CNTN4: variants seen among roughly 807,000 people sequenced by gnomAD.
CNTN4 encodes the protein contactin-4.
CNTN4 carries 77 observed loss-of-function variants against 122.5 expected under a neutral mutation model. The ratio of observed to expected loss-of-function variants is 0.63; its 90% CI spans 0.52 to 0.76. CNTN4 has a LOEUF of 0.76. Among genes scored for constraint, CNTN4 ranks in the 30% least tolerant of loss-of-function variants. The pLI is 0.00. For missense variants in CNTN4, 1,256 were observed against 1,259.1 expected (o/e 1.00, Z 0.04); for synonymous variants, 512 against 447.0 (o/e 1.15, Z -1.83).
chr3:2,465,660 C>T (rs958744136), intron 3 of CNTN4, among the ~76,000 whole-genome samples: 3 of 151,984 alleles, frequency 2.0e-5, no homozygotes, highest in African/African-American at 7.3e-5. Context: ...CTAGGCGACA[C>T]AGCGAGACTC....
intron 2 of CNTN4, among the ~76,000 whole-genome samples, chr3:2,166,188 G>C (rs188772927): frequency 1.3e-5 from 2 of 152,184 alleles, no homozygotes; most frequent in African/African-American, 4.8e-5. Flanking sequence ...CCCATCAACA[G>C]TGTTTAAGGG....
intron 4 of CNTN4, among the ~76,000 whole-genome samples, chr3:2,698,425 C>T (rs1016176105): frequency 6.6e-6 from 1 of 152,182 alleles, no homozygotes; most frequent in Admixed American, 6.5e-5. Context: ...TAAATGACTT[C>T]ATGCGGACCA....
At position 3,024,400 on chromosome 3, in the gene CNTN4, AAAAAAAAAC is replaced by A. The variant is rs1337668816; in HGVS notation, c.1487-1699_1487-1691del. 4.8e-5 allele frequency among the ~76,000 whole-genome samples: 7 copies of A among 145,334 alleles called. No homozygotes were observed. In the Admixed American group the frequency reaches 4.9e-4, roughly 10 times the overall value. On this transcript the variant is annotated intron_variant, in intron 14 of 24. Coordinates refer to ENST00000418658, the MANE Select transcript of CNTN4 (RefSeq NM_175607.3). ...TTTCCTCATTAAAAAAAAAAAAAAA[AAAAAAAAAC>A]AACTTCATCACTATCTATTCCTGAT...
At chr3:2,485,073 G>A (rs920169406) in intron 3 of CNTN4, among the ~76,000 whole-genome samples, 6 of 152,196 alleles carry the variant, frequency 3.9e-5, no homozygotes, top group African/African-American at 7.2e-5. Context: ...CAGAGGGTGC[G>A]CCGGGTCCCC....
Position 3,037,220 on chromosome 3 carries a change from G to A in CNTN4, c.1984G>A (p.Val662Met). Reference sequence around the variant, plus strand: ...TGGGAAGACATTCACAGCGACCGTGGTGGGTTTGAACCCTTGGGTTGAATA... The same window carrying A: ...TGGGAAGACATTCACAGCGACCGTGATGGGTTTGAACCCTTGGGTTGAATA... ...IDGKTFTATVVGLNPWVEYEF... is the reference protein window; with the variant it reads ...IDGKTFTATVMGLNPWVEYEF... Residue 662 changes from valine (V) to methionine (M), a missense_variant, in exon 18 of 25, where the codon GTG becomes ATG. Transcript: ENST00000418658. The A allele has an allele frequency of 6.2e-7, 1 of 1,614,198 alleles. No homozygotes were observed. Among genetic ancestry groups the A allele is most frequent in the Non-Finnish European group, 8.5e-7 (1 of 1,180,030 alleles).
chr3:2,357,331 A>G (rs568645321), intron 3 of CNTN4, among the ~76,000 whole-genome samples: 2 of 152,226 alleles, frequency 1.3e-5, no homozygotes, highest in Non-Finnish European at 2.9e-5. Context: ...CTTAAGGACA[A>G]TATAGTTTGT....
chr3:2,683,813 C>T (rs900532964), intron 4 of CNTN4, among the ~76,000 whole-genome samples: 15 of 152,200 alleles, frequency 9.9e-5, no homozygotes, highest in African/African-American at 3.6e-4. Context: ...TTTCTTAAAA[C>T]GTCCTTTTAT....
chr3:2,816,852 C>CATG (rs2092746338), intron 6 of CNTN4, among the ~76,000 whole-genome samples: 4 of 145,376 alleles, frequency 2.8e-5, no homozygotes, highest in African/African-American at 1.0e-4. Context: ...AGAACTTACC[C>CATG]ATGTAACCAA....
chr3:2,284,803 TGAG>T (rs1171883344), intron 2 of CNTN4, among the ~76,000 whole-genome samples: 1 of 151,770 alleles, frequency 6.6e-6, no homozygotes, highest in African/African-American at 2.4e-5. Flanking sequence ...AAAAAAATCT[TGAG>T]GAAGATTTTT....
At chr3:2,129,836 C>T (rs940185723) in intron 2 of CNTN4, among the ~76,000 whole-genome samples, 1 of 151,790 alleles carries the variant, frequency 6.6e-6, no homozygotes, top group African/African-American at 2.4e-5. Context: ...GTTATATTAA[C>T]AGATAGATCC....
Position 2,440,711 on chromosome 3 carries a change from C to T in CNTN4, c.-89+101478C>T, listed in dbSNP as rs778057943. Among the ~76,000 whole-genome samples, 14 of 150,602 alleles carry T rather than the reference C, an allele frequency of 9.3e-5. 1 individual carries two copies. The highest frequency in any genetic ancestry group is 1.6e-4 in the Non-Finnish European group (11 of 67,742). ...ATACGTATATATATGTATATACACA[C>T]GTATGTATATACACACATATTTGTG... On this transcript the variant is annotated intron_variant, in intron 3 of 24. Transcript: ENST00000418658.
chr3:2,719,048 G>T (rs529241346), intron 4 of CNTN4, among the ~76,000 whole-genome samples: 9 of 152,226 alleles, frequency 5.9e-5, no homozygotes, highest in Admixed American at 2.6e-4. Flanking sequence ...TCTTAGATCT[G>T]TCCAGATTAG....
In CNTN4 at chr3:2,709,523, A is replaced by C. The variant is rs774634321; in HGVS notation, c.56-26692A>C. Among the ~76,000 whole-genome samples the C allele has an allele frequency of 6.6e-6, 1 of 152,204 alleles. No homozygotes were observed. The highest frequency in any genetic ancestry group is 1.5e-5 in the Non-Finnish European group (1 of 68,034). ...GTTTTATATCGTTTGCCTCAGGCTA[A>C]AGATTTATGCCAGACTTCTAGACCA... On this transcript the variant is annotated intron_variant, in intron 4 of 24. Transcript: ENST00000418658. The surrounding 1 kb of genome is among the most constrained non-coding windows in gnomAD (Gnocchi z 5.0).
intron 4 of CNTN4, among the ~76,000 whole-genome samples, chr3:2,664,932 C>G (rs1413245980): frequency 6.6e-6 from 1 of 152,094 alleles, no homozygotes; most frequent in Non-Finnish European, 1.5e-5. Context: ...ATTTAATTGT[C>G]TTTTTAATCT....
At chr3:2,839,232 T>G (rs747142828) in intron 7 of CNTN4, among the ~76,000 whole-genome samples, 2 of 152,196 alleles carry the variant, frequency 1.3e-5, no homozygotes, top group Non-Finnish European at 2.9e-5. Flanking sequence ...CTAAAGGTGT[T>G]TTCAAGATCC....
intron 2 of CNTN4, among the ~76,000 whole-genome samples, chr3:2,191,808 C>G (rs979313058): frequency 2.0e-5 from 3 of 151,856 alleles, no homozygotes; most frequent in Non-Finnish European, 4.4e-5. Flanking sequence ...TATGCATGTG[C>G]CATGTTGGTG....
rs532136372 is a variant in CNTN4 at position 2,319,149 on chromosome 3, A to G, written c.-144-20029A>G. On this transcript the variant is annotated intron_variant, in intron 2 of 24. Transcript: ENST00000418658. ...TCAAAAGGAAGAGGAAAGAAAATTA[A>G]TATTAATCAATATATATCAAATGCA... Among the ~76,000 whole-genome samples the G allele has an allele frequency of 1.1e-3, 169 of 152,298 alleles. 1 individual carries two copies. The highest frequency in any genetic ancestry group is 3.9e-3 in the African/African-American group (162 of 41,558).
chr3:2,838,370 T>A (rs2093277023), intron 7 of CNTN4, among the ~76,000 whole-genome samples: 1 of 152,170 alleles, frequency 6.6e-6, no homozygotes, highest in Admixed American at 6.5e-5. Flanking sequence ...GTCCAAGGGC[T>A]CTTCTGGTCA....
At chr3:2,687,187 A>C (rs1204083568) in intron 4 of CNTN4, among the ~76,000 whole-genome samples, 1 of 152,250 alleles carries the variant, frequency 6.6e-6, no homozygotes, top group African/African-American at 2.4e-5. Flanking sequence ...TCCGTTGGTG[A>C]TATAAAAAGA....
Sources: gnomAD v4.1 joint callset for allele counts (sites outside exome capture counted in the v4.1 genomes callset) on GRCh38, gnomAD v4.1.1 for gene constraint, Gnocchi (gnomAD v3.1) non-coding constraint, MANE v1.5 for transcripts, NCBI Gene and HGNC (gene_info 2026-07-23, HGNC 2026-07-21) for gene names.